Variants in CALN1 observed in about 807,000 individuals in gnomAD.
CALN1 encodes the protein calneuron 1.
A neutral mutation model predicts 30.6 loss-of-function variants in CALN1; 17 were observed. The observed-to-expected ratio is 0.56, with a 90% CI of 0.38 to 0.83. The LOEUF (loss-of-function observed/expected upper bound fraction) is 0.83. CALN1 is among the 40% of genes least tolerant of loss of function. CALN1 has a pLI of 0.00. For synonymous variants in CALN1, 156 were observed against 131.4 expected (o/e 1.19, Z -1.28); for missense variants, 291 against 354.9 (o/e 0.82, Z 1.45).
intron 5 of CALN1, among the ~76,000 whole-genome samples, chr7:71,825,407 A>G (rs898200776): frequency 2.0e-5 from 3 of 152,046 alleles, no homozygotes; most frequent in African/African-American, 7.2e-5. Flanking sequence ...CTTGTCTCTC[A>G]TTCTTTTTTG....
chr7:72,316,644 G>C (rs1284099859), intron 2 of CALN1, among the ~76,000 whole-genome samples: 2 of 152,046 alleles, frequency 1.3e-5, no homozygotes, highest in Non-Finnish European at 2.9e-5. Flanking sequence ...GCACTTAAAA[G>C]AATATTTTAG....
At chr7:72,252,381 C>T (rs1240280641) in intron 3 of CALN1, among the ~76,000 whole-genome samples, 2 of 152,112 alleles carry the variant, frequency 1.3e-5, no homozygotes, top group Non-Finnish European at 2.9e-5. Flanking sequence ...AGGCAGATCA[C>T]TTGAGCTCAG....
chr7:71,924,193 CAA>C (rs200454649), intron 5 of CALN1, among the ~76,000 whole-genome samples: 19,002 of 76,460 alleles, frequency 0.25, 1,609 homozygotes, highest in East Asian at 0.55. Context: ...AACTCAGTCT[CAA>C]AAAAAAAAAA....
intron 3 of CALN1, among the ~76,000 whole-genome samples, chr7:72,180,872 C>T (rs972455956): frequency 4.6e-5 from 7 of 151,896 alleles, no homozygotes; most frequent in African/African-American, 7.3e-5. Flanking sequence ...CCAAGAAGGG[C>T]GGATCACCTG....
At chr7:72,004,498 T>C (rs1187121878) in intron 5 of CALN1, among the ~76,000 whole-genome samples, 1 of 152,150 alleles carries the variant, frequency 6.6e-6, no homozygotes, top group African/African-American at 2.4e-5. Context: ...GACTTGACAC[T>C]AAAATCACAG....
intron 2 of CALN1, among the ~76,000 whole-genome samples, chr7:72,324,565 TTTA>T (rs1801134430): frequency 3.0e-5 from 2 of 66,318 alleles, no homozygotes; most frequent in Non-Finnish European, 9.5e-5. Context: ...ATGTAATTTA[TTTA>T]TTTATTTATT....
chr7:72,290,313 T>A (rs1798392482), intron 2 of CALN1, among the ~76,000 whole-genome samples: 1 of 151,940 alleles, frequency 6.6e-6, no homozygotes, highest in African/African-American at 2.4e-5. Flanking sequence ...TTGTTCACTC[T>A]CCAGTTTCCT....
the CALN1 span, among the ~76,000 whole-genome samples, chr7:72,491,836 G>A: frequency 4.6e-5 from 7 of 152,114 alleles, no homozygotes; most frequent in African/African-American, 1.2e-4. Context: ...ACACACCAAC[G>A]GTCATTTTTT....
chr7:72,127,236 G>T lies in CALN1; in HGVS notation c.245-20942C>A, dbSNP rs893762252. Among the ~76,000 whole-genome samples the T allele has an allele frequency of 3.9e-5, 6 of 152,040 alleles. No homozygotes were observed. In the South Asian group the frequency reaches 1.2e-3, roughly 32 times the overall value. ...AAGAGTGTTCCAGACAGAGGAAACA[G>T]TCAGTGCTAAATCCCTAGGTAGATG... On this transcript the variant is annotated intron_variant, in intron 3 of 6. Coordinates refer to ENST00000395275, the MANE Select transcript of CALN1 (RefSeq NM_031468.4).
chr7:72,329,165 C>T (rs1485683334), intron 2 of CALN1, among the ~76,000 whole-genome samples: 1 of 152,166 alleles, frequency 6.6e-6, no homozygotes, highest in Non-Finnish European at 1.5e-5. Flanking sequence ...AAACTGAAAT[C>T]ATACTATAAT....
chr7:72,467,725 AAAT>A, the CALN1 span, among the ~76,000 whole-genome samples: 1 of 152,182 alleles, frequency 6.6e-6, no homozygotes, highest in Non-Finnish European at 1.5e-5. Flanking sequence ...TCTTTTTAAA[AAAT>A]ATATTTTTAT....
chr7:72,238,668 G>T (rs1009733775), intron 3 of CALN1, among the ~76,000 whole-genome samples: 1 of 152,070 alleles, frequency 6.6e-6, no homozygotes, highest in Admixed American at 6.6e-5. Context: ...AGTTCTGATG[G>T]TTTTTTAAGG....
At chr7:72,396,254 A>AAAAAAAAAAAAAAG (rs71069065) in intron 2 of CALN1, among the ~76,000 whole-genome samples, 14 of 78,122 alleles carry the variant, frequency 1.8e-4, no homozygotes, top group Non-Finnish European at 2.7e-4. Flanking sequence ...AAAAAAAAAA[A>AAAAAAAAAAAAAAG]AAAGAAAGAA....
intron 2 of CALN1, among the ~76,000 whole-genome samples, chr7:72,292,036 T>A (rs1010764627): frequency 1.3e-5 from 2 of 152,052 alleles, no homozygotes; most frequent in Non-Finnish European, 2.9e-5. Flanking sequence ...ATATGACTTT[T>A]GGGGAAACAC....
At chr7:72,261,300 T>C (rs1417572741) in intron 3 of CALN1, among the ~76,000 whole-genome samples, 1 of 151,968 alleles carries the variant, frequency 6.6e-6, no homozygotes, top group Non-Finnish European at 1.5e-5. Flanking sequence ...AGAGCGAGAC[T>C]CTGTCTCAAA....
intron 3 of CALN1, among the ~76,000 whole-genome samples, chr7:72,190,706 A>G (rs1459721334): frequency 6.6e-6 from 1 of 152,194 alleles, no homozygotes. Flanking sequence ...TTGTACCTTG[A>G]ATATTTGAAA....
chr7:72,461,309 G>A, the CALN1 span, among the ~76,000 whole-genome samples: 29 of 152,168 alleles, frequency 1.9e-4, no homozygotes, highest in Non-Finnish European at 4.0e-4. Context: ...ATTGCTGGCT[G>A]TCTACCCTGG....
intron 4 of CALN1, among the ~76,000 whole-genome samples, chr7:72,074,413 A>G (rs1804598230): frequency 6.6e-6 from 1 of 152,042 alleles, no homozygotes. Context: ...GAGCAAATAT[A>G]CCTTGTTTTT....
intron 5 of CALN1, among the ~76,000 whole-genome samples, chr7:71,835,260 C>A (rs192279768): frequency 9.4e-4 from 143 of 152,310 alleles, no homozygotes; most frequent in African/African-American, 3.3e-3. Context: ...GTAACCAGAT[C>A]ACTAATATGG....
Sources: allele counts gnomAD v4.1 joint callset (sites outside exome capture counted in the v4.1 genomes callset), GRCh38; gene constraint gnomAD v4.1.1; transcripts MANE v1.5; gene names NCBI Gene and HGNC (gene_info 2026-07-23, HGNC 2026-07-21).